Variants in TMEM131L observed in about 807,000 individuals in gnomAD.
TMEM131L encodes transmembrane 131 like.
TMEM131L carries 54 observed loss-of-function variants against 192.2 expected under a neutral mutation model. The ratio of observed to expected loss-of-function variants is 0.28; its 90% CI spans 0.23 to 0.35. The LOEUF (loss-of-function observed/expected upper bound fraction) is 0.35, where lower values mean the gene tolerates loss of function less well. Among genes scored for constraint, TMEM131L ranks in the 10% least tolerant of loss-of-function variants. The probability of loss-of-function intolerance (pLI) is 1.00; values close to 1 mark genes in which losing one functional copy is unlikely to be tolerated. For synonymous variants in TMEM131L, 701 were observed against 704.9 expected (o/e 0.99, Z 0.09); for missense variants, 1,888 against 1,972.9 (o/e 0.96, Z 0.82).
Position 153,602,632 on chromosome 4 carries a change from G to GA in TMEM131L, c.2545dup (p.Thr849AsnfsTer63). 6.2e-7 allele frequency: 1 copy of GA among 1,614,070 alleles called. No homozygotes were observed. Among genetic ancestry groups the GA allele is most frequent in the South Asian group, 1.1e-5 (1 of 91,076 alleles). On this transcript the variant is annotated frameshift_variant, in exon 23 of 35. Transcript: ENST00000409959. LOFTEE classifies it high-confidence loss of function. ...TAGAATTTCGCTTCACTCTCAATGT[G>GA]ACTCTCCCTCATCACCTGTTGCCCT...
At chr4:153,597,954 T>A (rs13144421) in intron 20 of TMEM131L, among the ~76,000 whole-genome samples, 41,715 of 151,356 alleles carry the variant, frequency 0.28, 6,049 homozygotes, top group Non-Finnish European at 0.34. Flanking sequence ...AATAAAAATT[T>A]AAAAAAAAAT....
chr4:153,633,132 CAT>C, intron 32 of TMEM131L: 1 of 272,564 alleles, frequency 3.7e-6, no homozygotes, highest in Non-Finnish European at 7.0e-6. Context: ...AAAAAACACT[CAT>C]AATTCCTAAC....
In TMEM131L at chr4:153,555,709, TATA is replaced by T; in HGVS notation, c.309-71_309-69del. Reference sequence around the variant, plus strand: ...GGGTTTAAAAATCTGTGTGTATATATATAATAATACATATATATGTATGGTAAT... The same window carrying T: ...GGGTTTAAAAATCTGTGTGTATATATATAATACATATATATGTATGGTAAT... On this transcript the variant is annotated intron_variant, in intron 4 of 34. Coordinates refer to ENST00000409959, the MANE Select transcript of TMEM131L (RefSeq NM_001131007.2). This position sits in a 1 kb window ranked among gnomAD's most constrained non-coding sequence, Gnocchi z 4.1. 1 of 1,249,732 alleles carries T rather than the reference TATA, an allele frequency of 8.0e-7. No homozygotes were observed. Among genetic ancestry groups the T allele is most frequent in the Non-Finnish European group, 1.1e-6 (1 of 913,790 alleles). 77.4% of individuals were successfully genotyped at this position (1,249,732 alleles called of 1,614,324 possible). A position where few individuals can be genotyped will look rare whatever the true frequency, so the allele number is the denominator to read the frequency against.
At position 153,596,365 on chromosome 4, in the gene TMEM131L, T is replaced by C; in HGVS notation, c.2103T>C (p.Val701=). ...TCACACCTGCTGACTATGGAAAAGT[T>C]ACCTCACTCATACTAATCCGGTAGG... The part of the protein sequence containing the change: ...VVFTPADYGK[V]TSLILIRNNL... Residue 701 remains valine, a synonymous_variant, in exon 20 of 35, where the codon GTT becomes GTC. Transcript: ENST00000409959. 1 of 1,613,894 alleles carries C rather than the reference T, an allele frequency of 6.2e-7. No homozygotes were observed. The highest frequency in any genetic ancestry group is 2.2e-5 in the East Asian group (1 of 44,876).
intron 7 of TMEM131L, among the ~76,000 whole-genome samples, chr4:153,560,763 G>A (rs1728794365): frequency 6.6e-6 from 1 of 152,146 alleles, no homozygotes; most frequent in African/African-American, 2.4e-5. Context: ...ACACATTGTA[G>A]GATATGCCAC....
chr4:153,545,664 TAAAAG>T (rs1254747893), intron 3 of TMEM131L, among the ~76,000 whole-genome samples: 3 of 151,988 alleles, frequency 2.0e-5, no homozygotes, highest in Admixed American at 6.6e-5. Flanking sequence ...TTTTAAAAGA[TAAAAG>T]AAAAAAGGCC....
chr4:153,593,919 A>C, intron 19 of TMEM131L, 48 bp downstream of exon 19: 3 of 1,188,942 alleles, frequency 2.5e-6, no homozygotes, highest in Non-Finnish European at 2.5e-6. Flanking sequence ...CAAACTAGAC[A>C]CATGAGCATA....
chr4:153,495,755 T>C (rs1181796910), intron 3 of TMEM131L, among the ~76,000 whole-genome samples: 1 of 152,160 alleles, frequency 6.6e-6, no homozygotes, highest in Admixed American at 6.5e-5. Flanking sequence ...CTACAAGGAA[T>C]TTCCTTGTGG....
chr4:153,512,617 T>C (rs1724533133), intron 3 of TMEM131L, among the ~76,000 whole-genome samples: 1 of 152,172 alleles, frequency 6.6e-6, no homozygotes, highest in Non-Finnish European at 1.5e-5. Context: ...TCTTCTGCTT[T>C]CATCCTTTAT....
intron 3 of TMEM131L, among the ~76,000 whole-genome samples, chr4:153,528,698 A>G (rs2150212076): frequency 6.6e-6 from 1 of 152,338 alleles, no homozygotes; most frequent in South Asian, 2.1e-4. Flanking sequence ...GCTGTTCCAC[A>G]AGCAAAGCAG....
chr4:153,509,671 C>G (rs1030963194), intron 3 of TMEM131L, among the ~76,000 whole-genome samples: 1 of 152,136 alleles, frequency 6.6e-6, no homozygotes, highest in Non-Finnish European at 1.5e-5. Flanking sequence ...GAGCTGAGAT[C>G]GTACCACTGC....
At chr4:153,527,611 A>T (rs1735590889) in intron 3 of TMEM131L, among the ~76,000 whole-genome samples, 4 of 152,100 alleles carry the variant, frequency 2.6e-5, no homozygotes, top group Admixed American at 2.0e-4. Flanking sequence ...TAGTGCATTG[A>T]TCCAAATCAG....
At chr4:153,501,249 A>C (rs1372239704) in intron 3 of TMEM131L, among the ~76,000 whole-genome samples, 1 of 131,478 alleles carries the variant, frequency 7.6e-6, no homozygotes, top group African/African-American at 3.0e-5. Context: ...TCTGTCACCC[A>C]GGCTGGAGTG....
At chr4:153,599,722 C>T (rs747254990) in intron 21 of TMEM131L, among the ~76,000 whole-genome samples, 11 of 152,196 alleles carry the variant, frequency 7.2e-5, no homozygotes, top group Non-Finnish European at 1.5e-4. Context: ...TATTCTGTAT[C>T]TGTGTCCTCC....
chr4:153,598,592 A>G lies in TMEM131L; in HGVS notation c.2126A>G (p.Asn709Ser). Reference protein sequence around the residue: ...GKVTSLILIRNNLTVIDMIGV... With the variant: ...GKVTSLILIRSNLTVIDMIGV... ...ATATCTATTTCCTTTCACTACAGGAATAACTTGACTGTTATTGACATGATT... is the reference window on the plus strand; with the variant it reads ...ATATCTATTTCCTTTCACTACAGGAGTAACTTGACTGTTATTGACATGATT... The change falls in exon 21 of 35, where the codon AAT (asparagine) becomes AGT (serine). Residue 709 changes from asparagine (N) to serine (S), a missense_variant and splice_region_variant. Coordinates refer to ENST00000409959, the MANE Select transcript of TMEM131L (RefSeq NM_001131007.2). 1 of 1,613,374 alleles carries G rather than the reference A, an allele frequency of 6.2e-7. No individual in the cohort carries two copies. Among genetic ancestry groups the G allele is most frequent in the Non-Finnish European group, 8.5e-7 (1 of 1,179,418 alleles).
intron 32 of TMEM131L, 86 bp from the exon 33 acceptor site, chr4:153,634,106 T>C (rs1734405742): frequency 3.6e-6 from 4 of 1,111,074 alleles, no homozygotes; most frequent in Non-Finnish European, 4.1e-6. Flanking sequence ...GTGATTAGGA[T>C]GCTAGGCAGT....
At chr4:153,612,495 G>T in intron 26 of TMEM131L, 95 bp downstream of exon 26, 1 of 924,196 alleles carries the variant, frequency 1.1e-6, no homozygotes, top group Non-Finnish European at 1.6e-6. Flanking sequence ...CACTGCATTT[G>T]AATCCATATT....
intron 3 of TMEM131L, among the ~76,000 whole-genome samples, chr4:153,504,571 A>T (rs1031832808): frequency 7.9e-5 from 12 of 152,108 alleles, no homozygotes; most frequent in African/African-American, 2.7e-4. Flanking sequence ...TACAGGCGTG[A>T]GCCACCGTGT....
At chr4:153,595,724 A>ACAAC (rs1554038867) in intron 19 of TMEM131L, among the ~76,000 whole-genome samples, 1 of 149,668 alleles carries the variant, frequency 6.7e-6, no homozygotes, top group Non-Finnish European at 1.5e-5. Flanking sequence ...CAAAAAAAAA[A>ACAAC]AAAAACACGA....
Sources: allele counts gnomAD v4.1 joint callset (sites outside exome capture counted in the v4.1 genomes callset), GRCh38; gene constraint gnomAD v4.1.1; non-coding constraint Gnocchi (gnomAD v3.1); transcripts MANE v1.5; gene names NCBI Gene and HGNC (gene_info 2026-07-23, HGNC 2026-07-21).